The following NCS1 variants were observed in gnomAD, a reference collection of about 807,000 sequenced individuals.
The protein encoded by NCS1 is frequenin homolog.
Under a neutral mutation model 28.4 loss-of-function variants are expected in NCS1, and 6 were observed. That is an observed-to-expected ratio of 0.21 (90% CI 0.12 to 0.42). NCS1 has a LOEUF of 0.42. Ranked by LOEUF, NCS1 falls within the 10% of genes least tolerant of loss-of-function variation. The pLI, the probability that NCS1 is intolerant of heterozygous loss-of-function variation, is 1.00. For synonymous variants in NCS1, 86 were observed against 99.3 expected (o/e 0.87, Z 0.79); for missense variants, 131 against 241.4 (o/e 0.54, Z 3.03).
In NCS1 at chr9:130,215,201, C is replaced by T. The variant is rs1833164923; in HGVS notation, c.90-2631C>T. On this transcript the variant is annotated intron_variant, in intron 2 of 7. Transcript: ENST00000372398. This position sits in a 1 kb window ranked among gnomAD's most constrained non-coding sequence, Gnocchi z 4.2. ...TGGGTCATTAAGTCCTGGTGCCAGG[C>T]ATGTTCCCTCCTCTGCCCAGGGGCC... Among the ~76,000 whole-genome samples, 1 of 152,212 alleles carries T rather than the reference C, an allele frequency of 6.6e-6. No homozygotes were observed. The highest frequency in any genetic ancestry group is 1.5e-5 in the Non-Finnish European group (1 of 68,038).
At position 130,235,845 on chromosome 9, in the gene NCS1, T is replaced by C. The variant is rs538174854; in HGVS notation, c.*2873T>C. On this transcript the variant is annotated 3_prime_UTR_variant, in exon 8 of 8. Coordinates refer to ENST00000372398, the MANE Select transcript of NCS1 (RefSeq NM_014286.4). ...ACCCAATGCGGCTCGCTTCAGATGC[T>C]CTGATGCAGAGGGCACGCCCATAGT... is the stretch of plus-strand genomic sequence containing the variant. 6.6e-6 allele frequency: 1 copy of C among 152,384 alleles called. No individual in the cohort carries two copies. The highest frequency in any genetic ancestry group is 2.4e-5 in the African/African-American group (1 of 41,572). 9.4% of individuals were successfully genotyped at this position (152,384 alleles called of 1,614,324 possible).
At chr9:130,193,221 A>G (rs576961486) in intron 1 of NCS1, among the ~76,000 whole-genome samples, 1 of 152,244 alleles carries the variant, frequency 6.6e-6, no homozygotes, top group Admixed American at 6.5e-5. Context: ...TACTGCAGGG[A>G]GAACACAGCT....
At chr9:130,197,538 G>A (rs1332058278) in intron 1 of NCS1, among the ~76,000 whole-genome samples, 1 of 152,210 alleles carries the variant, frequency 6.6e-6, no homozygotes, top group Non-Finnish European at 1.5e-5. Flanking sequence ...GGTTGGGGTG[G>A]TAGCTGCTCA....
intron 1 of NCS1, among the ~76,000 whole-genome samples, chr9:130,193,333 G>A (rs1199305458): frequency 6.6e-6 from 1 of 152,132 alleles, no homozygotes; most frequent in Admixed American, 6.5e-5. Context: ...GACCACATTA[G>A]GGATGCTGGC....
intron 1 of NCS1, among the ~76,000 whole-genome samples, chr9:130,184,513 G>A (rs567559088): frequency 2.7e-4 from 41 of 152,280 alleles, no homozygotes; most frequent in African/African-American, 8.4e-4. Flanking sequence ...GCATCCCCGC[G>A]CCTTCACCTA....
rs1832498854 is a variant in NCS1, at chr9:130,172,658, C to A, written c.-6C>A. On this transcript the variant is annotated 5_prime_UTR_variant, in exon 1 of 8. Coordinates refer to ENST00000372398, the MANE Select transcript of NCS1 (RefSeq NM_014286.4). ...CCCGGGGGGGCGGGGGCCGCGGCCG[C>A]CGAGGATGGGGAAATCCAACAGCAA... 1 of 1,471,668 alleles carries A rather than the reference C, an allele frequency of 6.8e-7. No individual in the cohort carries two copies. The highest frequency in any genetic ancestry group is 9.1e-7 in the Non-Finnish European group (1 of 1,101,586). 91.2% of individuals were successfully genotyped at this position (1,471,668 alleles called of 1,614,324 possible). A position where few individuals can be genotyped will look rare whatever the true frequency, so the allele number is the denominator to read the frequency against.
chr9:130,195,470 G>A (rs1403951581), intron 1 of NCS1, among the ~76,000 whole-genome samples: 1 of 151,374 alleles, frequency 6.6e-6, no homozygotes, highest in African/African-American at 2.4e-5. Flanking sequence ...CTGTCACCCA[G>A]GCTGGAGTAC....
In NCS1 at chr9:130,173,733, T is replaced by G. The variant is rs1359532348; in HGVS notation, c.64+1006T>G. Reference sequence around the variant, plus strand: ...GGCAGCTGCGTGGGCCCAGGCCCTCTGCACCACCCCTGGAGGCAGCAGCTT... The same window carrying G: ...GGCAGCTGCGTGGGCCCAGGCCCTCGGCACCACCCCTGGAGGCAGCAGCTT... On this transcript the variant is annotated intron_variant, in intron 1 of 7. Coordinates refer to ENST00000372398, the MANE Select transcript of NCS1 (RefSeq NM_014286.4). Among the ~76,000 whole-genome samples, 4 of 152,286 alleles carry G rather than the reference T, an allele frequency of 2.6e-5. No homozygotes were observed. In the East Asian group the frequency reaches 7.7e-4, roughly 29 times the overall value.
At chr9:130,208,419 C>CA (rs1314593192) in intron 2 of NCS1, among the ~76,000 whole-genome samples, 2 of 152,016 alleles carry the variant, frequency 1.3e-5, no homozygotes, top group Admixed American at 6.6e-5. Flanking sequence ...GCTGGGATTA[C>CA]AGGCACCCAC....
intron 1 of NCS1, among the ~76,000 whole-genome samples, chr9:130,184,996 T>C (rs3780713): frequency 0.68 from 102,428 of 150,988 alleles, 35,084 homozygotes; most frequent in East Asian, 0.84. Flanking sequence ...GGGCTGGGGT[T>C]ACAGGTGTAA....
chr9:130,191,117 C>T lies in NCS1; in HGVS notation c.65-9841C>T, dbSNP rs1353109774. Among the ~76,000 whole-genome samples, 5 of 152,230 alleles carry T rather than the reference C, an allele frequency of 3.3e-5. No individual in the cohort carries two copies. The highest frequency in any genetic ancestry group is 7.3e-5 in the Non-Finnish European group (5 of 68,030). The stretch of plus-strand genomic sequence containing the variant: ...TCAGTGCTTGTGATGTGTATCCTCT[C>T]GTTGGCCCCTGACAGCGGGGCAGGG... On this transcript the variant is annotated intron_variant, in intron 1 of 7. Transcript: ENST00000372398. The surrounding 1 kb of genome is among the most constrained non-coding windows in gnomAD (Gnocchi z 6.4).
intron 2 of NCS1, among the ~76,000 whole-genome samples, chr9:130,210,832 C>CT (rs1833103089): frequency 6.7e-6 from 1 of 149,910 alleles, no homozygotes; most frequent in Non-Finnish European, 1.5e-5. Flanking sequence ...ACACCTTTTT[C>CT]TTTTTCTTTT....
At chr9:130,173,200 G>GGGGA (rs1554904277) in intron 1 of NCS1, among the ~76,000 whole-genome samples, 7,262 of 66,916 alleles carry the variant, frequency 0.11, 588 homozygotes, top group African/African-American at 0.32. Context: ...CCGTTCGTGT[G>GGGGA]GGGGGGGGGG....
intron 6 of NCS1, among the ~76,000 whole-genome samples, chr9:130,223,950 A>C (rs1554910986): frequency 2.0e-5 from 3 of 151,478 alleles, no homozygotes; most frequent in South Asian, 4.2e-4. Context: ...GGGTTCACGC[A>C]ACTCTCCTGC....
At chr9:130,178,002 T>C (rs1832599434) in intron 1 of NCS1, among the ~76,000 whole-genome samples, 1 of 152,242 alleles carries the variant, frequency 6.6e-6, no homozygotes, top group Non-Finnish European at 1.5e-5. Context: ...GCTTGGTGCC[T>C]GGTTCTGAGG....
intron 2 of NCS1, 44 bp from the exon 3 acceptor site, chr9:130,217,788 T>C: frequency 3.7e-6 from 6 of 1,613,482 alleles, no homozygotes; most frequent in Non-Finnish European, 5.1e-6. Flanking sequence ...GTGGGTGATG[T>C]TGGCGTCTCC....
intron 1 of NCS1, among the ~76,000 whole-genome samples, chr9:130,176,930 A>C (rs1481630114): frequency 5.3e-5 from 8 of 152,188 alleles, no homozygotes; most frequent in African/African-American, 1.9e-4. Context: ...CCCAAGAGGC[A>C]CAACCTCTGC....
rs1393223580 is a variant in NCS1 at position 130,192,338 on chromosome 9, C to G, written c.65-8620C>G. On this transcript the variant is annotated intron_variant, in intron 1 of 7. Transcript: ENST00000372398. This position sits in a 1 kb window ranked among gnomAD's most constrained non-coding sequence, Gnocchi z 4.8. ...AGAGGCTGCCGCCCTTGTCCAAGGT[C>G]GAGGGTTAATGAGTCTGGGGCCCGG... 2.0e-5 allele frequency among the ~76,000 whole-genome samples: 3 copies of G among 152,088 alleles called. No homozygotes were observed. Among genetic ancestry groups the G allele is most frequent in the Non-Finnish European group, 4.4e-5 (3 of 68,022 alleles).
At chr9:130,201,376 G>A (rs782630671) in intron 2 of NCS1, among the ~76,000 whole-genome samples, 9 of 152,204 alleles carry the variant, frequency 5.9e-5, no homozygotes, top group Non-Finnish European at 1.3e-4. Context: ...GATTCGATTG[G>A]ATCAGGGATG....
Sources: allele counts gnomAD v4.1 joint callset (sites outside exome capture counted in the v4.1 genomes callset), GRCh38; gene constraint gnomAD v4.1.1; non-coding constraint Gnocchi (gnomAD v3.1); transcripts MANE v1.5; gene names NCBI Gene and HGNC (gene_info 2026-07-23, HGNC 2026-07-21).